IFT172: variants seen among roughly 807,000 people sequenced by gnomAD.
IFT172 encodes the protein intraflagellar transport 172.
IFT172 carries 164 observed loss-of-function variants against 248.9 expected under a neutral mutation model. That is an observed-to-expected ratio of 0.66 (90% CI 0.58 to 0.75). The LOEUF is 0.75. Ranked by LOEUF, IFT172 falls within the 30% of genes least tolerant of loss-of-function variation. The pLI is 0.00. For missense variants in IFT172, 1,950 were observed against 2,192.4 expected (o/e 0.89, Z 2.21); for synonymous variants, 729 against 791.6 (o/e 0.92, Z 1.33).
intron 27 of IFT172, 51 bp downstream of exon 27, chr2:27,458,075 C>T: frequency 1.2e-6 from 2 of 1,612,380 alleles, no homozygotes; most frequent in African/African-American, 1.3e-5. Flanking sequence ...TCCCTCGTCC[C>T]AGCCTTGAAA....
intron 7 of IFT172, among the ~76,000 whole-genome samples, 198 bp from the exon 8 acceptor site, chr2:27,481,458 C>T (rs1668364320): frequency 6.6e-6 from 1 of 151,666 alleles, no homozygotes; most frequent in Non-Finnish European, 1.5e-5. Context: ...CACACATACA[C>T]ACACACACAC....
rs1425429499 is a variant in IFT172, at chr2:27,479,519, C to T, written c.995G>A (p.Gly332Glu). ...YKNKFELTYV[G>E]PSQVIVKNLS... is the part of the protein sequence containing the mutation. The stretch of plus-strand genomic sequence containing the variant: ...TACCATCCTGCTTACCTGGCTAGGT[C>T]CCACATACGTCAACTCAAACTTGTT... Residue 332 changes from glycine (G) to glutamate (E), a missense_variant, in exon 10 of 48, where the codon GGA becomes GAA. Transcript: ENST00000260570. 2 of 1,603,416 alleles carry T rather than the reference C, an allele frequency of 1.2e-6. No individual in the cohort carries two copies. Among genetic ancestry groups the T allele is most frequent in the African/African-American group, 1.3e-5 (1 of 74,718 alleles).
intron 42 of IFT172, among the ~76,000 whole-genome samples, chr2:27,446,680 A>ATTTTTTTTTTTT (rs766069964): frequency 3.7e-5 from 3 of 80,468 alleles, no homozygotes; most frequent in Non-Finnish European, 6.9e-5. Context: ...TGCCTGGCTA[A>ATTTTTTTTTTTT]TTTTTTTTTT....
chr2:27,444,569 T>C lies in IFT172; in HGVS notation c.5161-48A>G, dbSNP rs781020503. On this transcript the variant is annotated intron_variant, in intron 47 of 47. Transcript: ENST00000260570. ...GAGAGGAACTTGTTAATGCTGGAAA[T>C]ACAAAATCAGCTCCATCGCAGGCTT... 7 of 1,459,396 alleles carry C rather than the reference T, an allele frequency of 4.8e-6. No homozygotes were observed. In the South Asian group the frequency reaches 7.0e-5, roughly 15 times the overall value. The allele number at this position is 1,459,396 out of a possible 1,614,324, so 90.4% of individuals were successfully genotyped here. A position where few individuals can be genotyped will look rare whatever the true frequency, so the allele number is the denominator to read the frequency against.
In IFT172 at chr2:27,485,296, C is replaced by T. The variant is rs939808009; in HGVS notation, c.183+64G>A. ...ATGCTGATGGCTAGAAGGCAGACTA[C>T]GTCTTTCAAGTTGTGAGACCCCATC... is the stretch of plus-strand genomic sequence containing the variant. On this transcript the variant is annotated intron_variant, in intron 2 of 47. Coordinates refer to ENST00000260570, the MANE Select transcript of IFT172 (RefSeq NM_015662.3). 1.3e-5 allele frequency: 21 copies of T among 1,604,546 alleles called. No individual in the cohort carries two copies. The Admixed American group carries it at 1.5e-4, about 12-fold the overall frequency.
At position 27,470,618 on chromosome 2, in the gene IFT172, T is replaced by C. The variant is rs1647266; in HGVS notation, c.1692+310A>G. Among the ~76,000 whole-genome samples the C allele has an allele frequency of 0.46, 70,604 of 151,976 alleles. 17,918 individuals are homozygous for C. Among genetic ancestry groups the C allele is most frequent in the African/African-American group, 0.67 (27,649 of 41,482 alleles). On this transcript the variant is annotated intron_variant, in intron 16 of 47. Transcript: ENST00000260570. ...AATGGCTTATAACGGAGAATCAGCA[T>C]AGAAGGAGATGACATTAGAACTGCC...
intron 25 of IFT172, 78 bp downstream of exon 25, chr2:27,459,300 T>A: frequency 3.2e-6 from 5 of 1,549,324 alleles, no homozygotes; most frequent in Non-Finnish European, 4.4e-6. Context: ...TGAACTTGCC[T>A]CCACTTCCTG....
chr2:27,451,768 A>AAAAC (rs1380594297), intron 35 of IFT172, among the ~76,000 whole-genome samples: 1 of 152,114 alleles, frequency 6.6e-6, no homozygotes, highest in Non-Finnish European at 1.5e-5. Flanking sequence ...TCCGTCTCAA[A>AAAAC]AAACAAACAA....
intron 11 of IFT172, 124 bp from the exon 12 acceptor site, chr2:27,477,736 G>C: frequency 1.2e-6 from 1 of 815,530 alleles, no homozygotes; most frequent in East Asian, 2.5e-5. Context: ...CTACACAAAA[G>C]AGGTGCTGTA....
chr2:27,481,501 C>G (rs1668370237), intron 7 of IFT172, among the ~76,000 whole-genome samples: 2 of 151,538 alleles, frequency 1.3e-5, no homozygotes, highest in Admixed American at 1.3e-4. Flanking sequence ...ACCTTGTGCT[C>G]TAGAAAAACC....
intron 16 of IFT172, among the ~76,000 whole-genome samples, chr2:27,467,393 T>G: frequency 9.9e-6 from 1 of 100,916 alleles, no homozygotes; most frequent in Admixed American, 1.6e-4. Flanking sequence ...GGAAACACAG[T>G]GAGAACTTGT....
intron 35 of IFT172, chr2:27,453,038 T>TC: frequency 2.8e-6 from 1 of 361,790 alleles, no homozygotes. Flanking sequence ...AAGTCTTCCC[T>TC]CCTTCTTCAC....
intron 1 of IFT172, among the ~76,000 whole-genome samples, chr2:27,488,395 C>G (rs1668920666): frequency 7.5e-6 from 1 of 132,802 alleles, no homozygotes; most frequent in Non-Finnish European, 1.6e-5. Context: ...CTCAGGTGAT[C>G]CGCCCGCCTC....
At chr2:27,477,966 C>T (rs1045919868) in intron 11 of IFT172, 29 bp downstream of exon 11, 2 of 1,612,960 alleles carry the variant, frequency 1.2e-6, no homozygotes, top group African/African-American at 2.7e-5. Flanking sequence ...TGCCCTATTC[C>T]CCACCCTACC....
rs1354922775 is a variant in IFT172 at position 27,447,527 on chromosome 2, ACT to A, written c.4645_4646del (p.Ser1549CysfsTer30). ...HYYATRSAAQ[S>X]VKQLETVAAR... ...CCCTACATCTCACCAGCTGTTTGAC[ACT>A]CTGGGCTGCAGAGCGCGTGGCATAG... On this transcript the variant is annotated frameshift_variant, in exon 42 of 48. Transcript: ENST00000260570. LOFTEE classifies it high-confidence loss of function. 1 of 1,613,852 alleles carries A rather than the reference ACT, an allele frequency of 6.2e-7. No homozygotes were observed. The highest frequency in any genetic ancestry group is 2.2e-5 in the East Asian group (1 of 44,884).
intron 21 of IFT172, 34 bp from the exon 22 acceptor site, chr2:27,461,551 TC>T: frequency 6.2e-7 from 1 of 1,607,418 alleles, no homozygotes; most frequent in Non-Finnish European, 8.5e-7. Flanking sequence ...AGGAGTCACA[TC>T]CCCCTTCCTA....
In IFT172 at chr2:27,445,164, G is replaced by A; in HGVS notation, c.5069-59C>T. The A allele has an allele frequency of 6.2e-7, 1 of 1,606,422 alleles. No individual in the cohort carries two copies. Among genetic ancestry groups the A allele is most frequent in the African/African-American group, 1.3e-5 (1 of 74,786 alleles). On this transcript the variant is annotated intron_variant, in intron 46 of 47. Transcript: ENST00000260570. The surrounding 1 kb of genome is among the most constrained non-coding windows in gnomAD (Gnocchi z 4.4). ...TGAGAGAGATTGAGGAGGGAAAAAT[G>A]AGGAGCAGCCTGGGGGGTAGAAAGC...
At chr2:27,448,007 C>A (rs1665314006) in intron 40 of IFT172, 85 bp from the exon 41 acceptor site, 1 of 834,212 alleles carries the variant, frequency 1.2e-6, no homozygotes, top group Admixed American at 1.8e-5. Flanking sequence ...GGAGGAGAAA[C>A]AGGCTTTGTG....
chr2:27,476,509 T>A, intron 14 of IFT172, 132 bp downstream of exon 14: 1 of 611,910 alleles, frequency 1.6e-6, no homozygotes, highest in Admixed American at 2.9e-5. Context: ...ATATATCCAC[T>A]GTACATGTGG....
Sources: allele counts gnomAD v4.1 joint callset (sites outside exome capture counted in the v4.1 genomes callset), GRCh38; gene constraint gnomAD v4.1.1; non-coding constraint Gnocchi (gnomAD v3.1); transcripts MANE v1.5; gene names NCBI Gene and HGNC (gene_info 2026-07-23, HGNC 2026-07-21).